PTPRT: variants seen among roughly 807,000 people sequenced by gnomAD.
PTPRT encodes the protein protein tyrosine phosphatase receptor type T, also known as receptor-type tyrosine-protein phosphatase T.
Under a neutral mutation model 176.8 loss-of-function variants are expected in PTPRT, and 56 were observed. The observed-to-expected ratio is 0.32, with a 90% CI of 0.26 to 0.40. The LOEUF (loss-of-function observed/expected upper bound fraction) is 0.40. Ranked by LOEUF, PTPRT falls within the 10% of genes least tolerant of loss-of-function variation. The pLI is 1.00. For synonymous variants in PTPRT, 783 were observed against 739.0 expected (o/e 1.06, Z -0.96); for missense variants, 1,540 against 1,908.2 (o/e 0.81, Z 3.60).
Position 42,351,274 on chromosome 20 carries a change from C to A in PTPRT, c.1763-544G>T, listed in dbSNP as rs565472930. Among the ~76,000 whole-genome samples, 3 of 151,234 alleles carry A rather than the reference C, an allele frequency of 2.0e-5. No homozygotes were observed. In the South Asian group the frequency reaches 6.3e-4, roughly 32 times the overall value. The stretch of plus-strand genomic sequence containing the variant: ...GTTTTTCCAAATTCTGAATTTATTC[C>A]TAAAGCTATAATCCAAACCAATGAA... On this transcript the variant is annotated intron_variant, in intron 10 of 30. Transcript: ENST00000373187.
At chr20:42,532,648 T>G (rs1016969572) in intron 7 of PTPRT, among the ~76,000 whole-genome samples, 1 of 152,220 alleles carries the variant, frequency 6.6e-6, no homozygotes, top group African/African-American at 2.4e-5. Flanking sequence ...TCTTGTGTAG[T>G]ACTTCCACCT....
intron 22 of PTPRT, among the ~76,000 whole-genome samples, chr20:42,113,488 G>T (rs1389088177): frequency 1.3e-5 from 2 of 152,162 alleles, no homozygotes; most frequent in Non-Finnish European, 2.9e-5. Flanking sequence ...AGCTGACAGG[G>T]GCTGGCCCAC....
At chr20:42,115,066 G>T in intron 22 of PTPRT, 133 bp downstream of exon 22, 1 of 667,444 alleles carries the variant, frequency 1.5e-6, no homozygotes, top group Non-Finnish European at 2.7e-6. Context: ...TGTCTGCCCT[G>T]ATTGCTGATC....
chr20:42,722,266 G>T (rs1480799096), intron 6 of PTPRT, among the ~76,000 whole-genome samples: 1 of 152,084 alleles, frequency 6.6e-6, no homozygotes, highest in African/African-American at 2.4e-5. Context: ...CAATCCTGCT[G>T]GTCTCCAGCA....
chr20:42,169,176 T>C (rs1229294165), intron 16 of PTPRT, among the ~76,000 whole-genome samples: 3 of 152,172 alleles, frequency 2.0e-5, no homozygotes, highest in Admixed American at 1.3e-4. Flanking sequence ...AAGCTCTTTC[T>C]CCTCCTAAAC....
intron 1 of PTPRT, among the ~76,000 whole-genome samples, chr20:43,072,103 C>G (rs186880894): frequency 3.9e-4 from 60 of 152,312 alleles, no homozygotes; most frequent in African/African-American, 1.3e-3. Flanking sequence ...CAATGTCTAC[C>G]GAGTCAAACC....
intron 3 of PTPRT, among the ~76,000 whole-genome samples, chr20:42,787,432 A>T (rs1217221517): frequency 1.3e-5 from 2 of 152,192 alleles, no homozygotes; most frequent in African/African-American, 4.8e-5. Context: ...TTAAACACCA[A>T]TAAATGGATT....
At chr20:42,933,737 T>C (rs558289982) in intron 1 of PTPRT, among the ~76,000 whole-genome samples, 1 of 152,330 alleles carries the variant, frequency 6.6e-6, no homozygotes, top group East Asian at 1.9e-4. Flanking sequence ...ATCCCTCTTT[T>C]TGTTGATTTA....
intron 12 of PTPRT, among the ~76,000 whole-genome samples, chr20:42,283,043 T>C (rs1311259909): frequency 6.6e-6 from 1 of 152,190 alleles, no homozygotes; most frequent in South Asian, 2.1e-4. Flanking sequence ...AAAGTTACTT[T>C]TCCCCTGAGC....
At chr20:42,902,260 T>C (rs77377938) in intron 1 of PTPRT, among the ~76,000 whole-genome samples, 1 of 152,308 alleles carries the variant, frequency 6.6e-6, no homozygotes, top group African/African-American at 2.4e-5. Flanking sequence ...AGAGCCTCTG[T>C]TGGCAGGCCT....
intron 11 of PTPRT, among the ~76,000 whole-genome samples, chr20:42,344,679 A>C (rs2058161522): frequency 6.6e-6 from 1 of 152,154 alleles, no homozygotes; most frequent in Non-Finnish European, 1.5e-5. Flanking sequence ...AACAGCATGG[A>C]CTAGGGGCCT....
At chr20:42,837,396 G>C (rs2078200379) in intron 2 of PTPRT, among the ~76,000 whole-genome samples, 1 of 152,144 alleles carries the variant, frequency 6.6e-6, no homozygotes, top group Non-Finnish European at 1.5e-5. Context: ...CACTTACCAG[G>C]CTATCATCCT....
intron 8 of PTPRT, among the ~76,000 whole-genome samples, chr20:42,464,626 A>G (rs1163371855): frequency 2.0e-5 from 3 of 152,306 alleles, no homozygotes; most frequent in Admixed American, 1.3e-4. Context: ...CCTTTATAAT[A>G]TCTCAAGACC....
At chr20:42,953,026 C>T (rs1435002919) in intron 1 of PTPRT, among the ~76,000 whole-genome samples, 1 of 152,220 alleles carries the variant, frequency 6.6e-6, no homozygotes, top group Non-Finnish European at 1.5e-5. Flanking sequence ...TCAGCTCATG[C>T]CTTAAATGGG....
In PTPRT at chr20:42,397,901, C is replaced by T. The variant is rs2058867219; in HGVS notation, c.1561-45616G>A. Among the ~76,000 whole-genome samples, 7 of 152,184 alleles carry T rather than the reference C, an allele frequency of 4.6e-5. No individual in the cohort carries two copies. In the South Asian group the frequency reaches 1.4e-3, roughly 32 times the overall value. Reference sequence around the variant, plus strand: ...ACAGTGGCTGGACTAATTTTAATTTCCACTAACAGTAGACACTTACTTTGT... The same window carrying T: ...ACAGTGGCTGGACTAATTTTAATTTTCACTAACAGTAGACACTTACTTTGT... On this transcript the variant is annotated intron_variant, in intron 9 of 30. Transcript: ENST00000373187.
chr20:42,311,545 G>T lies in PTPRT; in HGVS notation c.2139+4178C>A, dbSNP rs1233429007. Among the ~76,000 whole-genome samples, 3 of 152,238 alleles carry T rather than the reference G, an allele frequency of 2.0e-5. No homozygotes were observed. The East Asian group carries it at 5.8e-4, about 29-fold the overall frequency. ...CATCCTGCAACAAATGCCCATTTCT[G>T]CTTTCCTTTCACTTGAGGTTAATAT... On this transcript the variant is annotated intron_variant, in intron 12 of 30. Transcript: ENST00000373187.
At chr20:42,363,027 G>T (rs62203465) in intron 9 of PTPRT, among the ~76,000 whole-genome samples, 42,930 of 140,672 alleles carry the variant, frequency 0.31, 6,417 homozygotes, top group Middle Eastern at 0.39. Context: ...TCACTTGAAT[G>T]CAGGAGGCAG....
chr20:42,746,435 C>G (rs6030455), intron 6 of PTPRT, among the ~76,000 whole-genome samples: 28,069 of 152,006 alleles, frequency 0.18, 2,589 homozygotes, highest in East Asian at 0.2. Flanking sequence ...AACATAGGCA[C>G]GCACTTTGTT....
intron 13 of PTPRT, among the ~76,000 whole-genome samples, chr20:42,251,740 A>G (rs1012200369): frequency 2.0e-5 from 3 of 151,862 alleles, no homozygotes; most frequent in Non-Finnish European, 4.4e-5. Flanking sequence ...AAAGAAAAGA[A>G]ATGTAGTATA....
Sources: allele counts gnomAD v4.1 joint callset (sites outside exome capture counted in the v4.1 genomes callset), GRCh38; gene constraint gnomAD v4.1.1; transcripts MANE v1.5; gene names NCBI Gene and HGNC (gene_info 2026-07-23, HGNC 2026-07-21).